Variants in DCC observed in about 807,000 individuals in gnomAD.
DCC encodes DCC netrin 1 receptor.
DCC carries 58 observed loss-of-function variants against 172.5 expected under a neutral mutation model. The observed-to-expected ratio is 0.34, with a 90% CI of 0.27 to 0.42. DCC has a LOEUF of 0.42. DCC is among the 10% of genes least tolerant of loss of function. DCC has a pLI of 1.00. For synonymous variants in DCC, 709 were observed against 644.5 expected (o/e 1.10, Z -1.52); for missense variants, 1,740 against 1,791.0 (o/e 0.97, Z 0.51).
chr18:52,813,549 A>G (rs532329845), intron 2 of DCC, among the ~76,000 whole-genome samples: 2 of 152,084 alleles, frequency 1.3e-5, no homozygotes, highest in Admixed American at 1.3e-4. Context: ...CTTAAAAGTT[A>G]TATGTCGGGA....
At chr18:53,361,109 A>T (rs1042313932) in intron 15 of DCC, among the ~76,000 whole-genome samples, 1 of 152,160 alleles carries the variant, frequency 6.6e-6, no homozygotes, top group Non-Finnish European at 1.5e-5. Context: ...ATACAAGAGG[A>T]GAAGGTCATG....
At chr18:52,551,204 G>GGGCACTT (rs1906033654) in intron 1 of DCC, among the ~76,000 whole-genome samples, 5 of 151,986 alleles carry the variant, frequency 3.3e-5, no homozygotes. Context: ...CGGACATAAT[G>GGGCACTT]GGCACTTGGC....
At chr18:52,367,355 T>C (rs1442438424) in intron 1 of DCC, among the ~76,000 whole-genome samples, 2 of 152,068 alleles carry the variant, frequency 1.3e-5, no homozygotes, top group African/African-American at 2.4e-5. Context: ...GCTCCTACAG[T>C]GCAGTGGGGG....
At chr18:52,446,830 T>C (rs1185761268) in intron 1 of DCC, among the ~76,000 whole-genome samples, 6 of 152,242 alleles carry the variant, frequency 3.9e-5, no homozygotes, top group African/African-American at 1.2e-4. Context: ...GTGGTTCCTT[T>C]TGAGGCAAGT....
At chr18:53,207,532 T>C in intron 10 of DCC, 147 bp from the exon 11 acceptor site, 1 of 727,166 alleles carries the variant, frequency 1.4e-6, no homozygotes. Context: ...GGGGAGTCTG[T>C]GTCACAAGGT....
chr18:52,952,880 C>T (rs1279713961), intron 5 of DCC, among the ~76,000 whole-genome samples: 1 of 151,520 alleles, frequency 6.6e-6, no homozygotes, highest in East Asian at 2.0e-4. Context: ...TGCCTGTAGT[C>T]CCAGCTACTC....
At chr18:52,983,549 C>G (rs573307250) in intron 5 of DCC, among the ~76,000 whole-genome samples, 2 of 152,180 alleles carry the variant, frequency 1.3e-5, no homozygotes, top group African/African-American at 4.8e-5. Context: ...AGTTCCCTAG[C>G]TTTGGGTTTG....
chr18:53,297,798 C>G (rs183971088), intron 12 of DCC, among the ~76,000 whole-genome samples: 166 of 152,264 alleles, frequency 1.1e-3, no homozygotes, highest in African/African-American at 3.7e-3. Flanking sequence ...TAATTTGGAG[C>G]CTCCAGCTGT....
At chr18:52,963,864 T>TC (rs1256164697) in intron 5 of DCC, among the ~76,000 whole-genome samples, 1 of 151,528 alleles carries the variant, frequency 6.6e-6, no homozygotes, top group Non-Finnish European at 1.5e-5. Flanking sequence ...CAGAGCATCA[T>TC]CAAGTGTATT....
chr18:53,468,363 T>TTTATTTATTTAG (rs1555675962), intron 25 of DCC, among the ~76,000 whole-genome samples: 1 of 54,722 alleles, frequency 1.8e-5, no homozygotes, highest in East Asian at 6.8e-4. Flanking sequence ...TATTTATTTA[T>TTTATTTATTTAG]TTTATTTATT....
At chr18:52,799,743 C>T (rs1283583482) in intron 2 of DCC, among the ~76,000 whole-genome samples, 2 of 152,064 alleles carry the variant, frequency 1.3e-5, no homozygotes, top group African/African-American at 4.8e-5. Context: ...TGAACAATTG[C>T]CAGGAAATAA....
intron 7 of DCC, among the ~76,000 whole-genome samples, chr18:53,116,108 G>T (rs1427012819): frequency 6.6e-6 from 1 of 151,628 alleles, no homozygotes; most frequent in East Asian, 1.9e-4. Context: ...TGTCAAAATG[G>T]AGCCAGATTT....
At chr18:53,181,275 A>C (rs1050418241) in intron 9 of DCC, among the ~76,000 whole-genome samples, 1 of 152,190 alleles carries the variant, frequency 6.6e-6, no homozygotes, top group Non-Finnish European at 1.5e-5. Flanking sequence ...TCATGATTAC[A>C]TTGCATTTCT....
intron 24 of DCC, 24 bp from the exon 25 acceptor site, chr18:53,467,870 T>G (rs2045640471): frequency 8.5e-7 from 1 of 1,177,240 alleles, no homozygotes; most frequent in Non-Finnish European, 1.3e-6. Context: ...GAGGGCATGT[T>G]TCTCAGGAGT....
intron 1 of DCC, among the ~76,000 whole-genome samples, chr18:52,455,176 T>A (rs1048990843): frequency 2.0e-5 from 3 of 152,204 alleles, no homozygotes; most frequent in Non-Finnish European, 4.4e-5. Flanking sequence ...TAATTCTGAT[T>A]TAATTTAATT....
chr18:52,861,787 C>T (rs1292198258), intron 2 of DCC, among the ~76,000 whole-genome samples: 1 of 152,150 alleles, frequency 6.6e-6, no homozygotes, highest in East Asian at 1.9e-4. Context: ...GAAGGTTTTA[C>T]ATGGGTCTAA....
At chr18:52,367,667 C>T (rs1355110648) in intron 1 of DCC, among the ~76,000 whole-genome samples, 1 of 152,190 alleles carries the variant, frequency 6.6e-6, no homozygotes, top group Non-Finnish European at 1.5e-5. Flanking sequence ...GCTGGTTTAG[C>T]TAATCTAGTG....
intron 2 of DCC, among the ~76,000 whole-genome samples, chr18:52,847,466 A>G (rs1263320369): frequency 2.0e-5 from 3 of 152,146 alleles, no homozygotes; most frequent in African/African-American, 7.2e-5. Flanking sequence ...GAACAAATAT[A>G]TTTCATTATT....
At chr18:52,859,139 A>AC in intron 2 of DCC, among the ~76,000 whole-genome samples, 1 of 152,272 alleles carries the variant, frequency 6.6e-6, no homozygotes, top group African/African-American at 2.4e-5. Context: ...TCTGCAAAAA[A>AC]AAAATTAAAA....
Sources: allele counts gnomAD v4.1 joint callset (sites outside exome capture counted in the v4.1 genomes callset), GRCh38; gene constraint gnomAD v4.1.1; transcripts MANE v1.5; gene names NCBI Gene and HGNC (gene_info 2026-07-23, HGNC 2026-07-21).